ARID1B: variants seen among roughly 807,000 people sequenced by gnomAD.
ARID1B encodes AT-rich interaction domain 1B.
Under a neutral mutation model 212.3 loss-of-function variants are expected in ARID1B, and 30 were observed. The ratio of observed to expected loss-of-function variants is 0.14; its 90% CI spans 0.11 to 0.19. The LOEUF (loss-of-function observed/expected upper bound fraction) is 0.19, where lower values mean the gene tolerates loss of function less well. Among genes scored for constraint, ARID1B ranks in the 10% least tolerant of loss-of-function variants. ARID1B has a pLI of 1.00. For missense variants in ARID1B, 2,891 were observed against 3,204.0 expected (o/e 0.90, Z 2.36); for synonymous variants, 1,402 against 1,301.7 (o/e 1.08, Z -1.66).
chr6:157,098,478 C>G (rs1785813119), intron 5 of ARID1B, among the ~76,000 whole-genome samples: 1 of 152,174 alleles, frequency 6.6e-6, no homozygotes, highest in Non-Finnish European at 1.5e-5. Flanking sequence ...AAAGCTATTG[C>G]AAAGGGTGTG....
At chr6:156,793,145 T>C (rs896233826) in intron 1 of ARID1B, among the ~76,000 whole-genome samples, 18 of 152,132 alleles carry the variant, frequency 1.2e-4, no homozygotes, top group African/African-American at 4.1e-4. Context: ...GGTGGGGGCA[T>C]GAGGCATGGC....
At chr6:157,159,228 G>A (rs567311062) in intron 8 of ARID1B, among the ~76,000 whole-genome samples, 127 of 152,218 alleles carry the variant, frequency 8.3e-4, no homozygotes, top group Non-Finnish European at 1.5e-3. Context: ...GAAAGAGTCC[G>A]TAGTAGCAGA....
At chr6:156,779,619 C>T in intron 1 of ARID1B, 148 bp downstream of exon 1, 1 of 835,080 alleles carries the variant, frequency 1.2e-6, no homozygotes, top group Non-Finnish European at 1.5e-6. Context: ...CGGGCGGCCG[C>T]CTCCCGCCGC....
chr6:157,137,459 A>G (rs1789013235), intron 7 of ARID1B, among the ~76,000 whole-genome samples: 1 of 152,226 alleles, frequency 6.6e-6, no homozygotes, highest in East Asian at 1.9e-4. Context: ...AATTATTAAT[A>G]AGTGAGTTTG....
At chr6:156,992,247 TTG>T (rs1472494867) in intron 4 of ARID1B, among the ~76,000 whole-genome samples, 1 of 152,142 alleles carries the variant, frequency 6.6e-6, no homozygotes, top group Admixed American at 6.5e-5. Context: ...ATGAGTGTGC[TTG>T]TGTGTGTGTT....
chr6:157,056,606 T>G (rs762044935), intron 4 of ARID1B, among the ~76,000 whole-genome samples: 1 of 152,214 alleles, frequency 6.6e-6, no homozygotes, highest in Non-Finnish European at 1.5e-5. Flanking sequence ...CCAGTAGTTA[T>G]GTTTGGTTAT....
At chr6:157,153,113 G>A (rs1043332457) in intron 8 of ARID1B, among the ~76,000 whole-genome samples, 1 of 152,204 alleles carries the variant, frequency 6.6e-6, no homozygotes, top group African/African-American at 2.4e-5. Context: ...AAGTTTAACT[G>A]GTTAGAAACT....
In ARID1B at chr6:156,777,841, C is replaced by T. The variant is rs1485912207; in HGVS notation, c.161C>T (p.Pro54Leu). Residue 54 changes from proline (P) to leucine (L), a missense_variant, in exon 1 of 20, where the codon CCG becomes CTG. This residue lies in a region of ARID1B where 1,643 missense variants were observed against 1,544.0 expected (regional missense o/e 1.06). Coordinates refer to ENST00000636930, the MANE Select transcript of ARID1B (RefSeq NM_001374828.1). ...ARGAAAAAAA[P>L]GPMLGGGGDG... ...GGCGCGGCGGCGGCGGCGGCGGCAC[C>T]GGGACCCATGCTGGGGGGCGGCGGC... is the stretch of plus-strand genomic sequence containing the variant. 6.6e-6 allele frequency: 8 copies of T among 1,214,356 alleles called. No individual in the cohort carries two copies. Among genetic ancestry groups the T allele is most frequent in the Admixed American group, 4.5e-5 (1 of 22,180 alleles). The allele number at this position is 1,214,356 out of a possible 1,614,324, so 75.2% of individuals were successfully genotyped here. A position where few individuals can be genotyped will look rare whatever the true frequency, so the allele number is the denominator to read the frequency against.
At chr6:156,905,333 A>C (rs1171895603) in intron 3 of ARID1B, among the ~76,000 whole-genome samples, 1 of 151,726 alleles carries the variant, frequency 6.6e-6, no homozygotes, top group African/African-American at 2.4e-5. Flanking sequence ...TGCATTTCCG[A>C]AACCTGCAGT....
In ARID1B at chr6:157,203,582, G is replaced by A. The variant is rs192603908; in HGVS notation, c.5264-284G>A. ...TAGGGTGGCTGAAAGAAATAACCCG[G>A]CCATGAGAAAGGACCATCTGTGCTC... On this transcript the variant is annotated intron_variant, in intron 18 of 19. Transcript: ENST00000636930. This position sits in a 1 kb window ranked among gnomAD's most constrained non-coding sequence, Gnocchi z 4.4. 7.0e-5 allele frequency: 26 copies of A among 370,546 alleles called. No homozygotes were observed. Among genetic ancestry groups the A allele is most frequent in the Non-Finnish European group, 1.3e-4 (25 of 198,348 alleles). 23.0% of individuals were successfully genotyped at this position (370,546 alleles called of 1,614,324 possible). A position where few individuals can be genotyped will look rare whatever the true frequency, so the allele number is the denominator to read the frequency against.
intron 1 of ARID1B, among the ~76,000 whole-genome samples, chr6:156,820,608 G>A (rs1405828007): frequency 1.3e-5 from 2 of 152,166 alleles, no homozygotes; most frequent in Non-Finnish European, 2.9e-5. Context: ...GCAACACTGC[G>A]AGGTGAGTGT....
intron 4 of ARID1B, chr6:156,937,575 G>A (rs1223257716): frequency 6.6e-6 from 1 of 152,174 alleles, no homozygotes; most frequent in African/African-American, 2.4e-5. Flanking sequence ...TGTTGGATTG[G>A]ATGGTTGACA....
chr6:157,184,549 G>T, intron 13 of ARID1B, 114 bp downstream of exon 13: 4 of 1,214,362 alleles, frequency 3.3e-6, no homozygotes, highest in Non-Finnish European at 4.7e-6. Context: ...CTTTTGAGAG[G>T]TGGGGGGTTC....
chr6:157,042,842 G>A (rs1486152268), intron 4 of ARID1B, among the ~76,000 whole-genome samples: 1 of 151,946 alleles, frequency 6.6e-6, no homozygotes, highest in Non-Finnish European at 1.5e-5. Context: ...TGTATTTTTA[G>A]TAGAGATGGG....
At chr6:157,003,442 T>C (rs1779021231) in intron 4 of ARID1B, among the ~76,000 whole-genome samples, 1 of 152,138 alleles carries the variant, frequency 6.6e-6, no homozygotes, top group South Asian at 2.1e-4. Context: ...ATTGAGATTA[T>C]TGTGGTCTAG....
At chr6:157,180,023 T>A (rs1218552280) in intron 11 of ARID1B, among the ~76,000 whole-genome samples, 1 of 152,218 alleles carries the variant, frequency 6.6e-6, no homozygotes, top group East Asian at 1.9e-4. Context: ...TTCCAAGAAA[T>A]CTTTATTGAG....
intron 3 of ARID1B, among the ~76,000 whole-genome samples, chr6:156,922,309 G>C (rs544606909): frequency 6.6e-6 from 1 of 151,848 alleles, no homozygotes; most frequent in Non-Finnish European, 1.5e-5. Context: ...AGTAGCTGGG[G>C]TTACAGGTGC....
At chr6:157,051,698 C>T (rs573610474) in intron 4 of ARID1B, among the ~76,000 whole-genome samples, 26 of 152,078 alleles carry the variant, frequency 1.7e-4, no homozygotes, top group African/African-American at 6.0e-4. Flanking sequence ...TTTATAATAC[C>T]AGGAGAATGT....
chr6:156,778,874 AGGAGGAGGAGGCAGC>A lies in ARID1B; in HGVS notation c.1206_1220del (p.Ser403_Gly407del). On this transcript the variant is annotated inframe_deletion, in exon 1 of 20. Coordinates refer to ENST00000636930, the MANE Select transcript of ARID1B (RefSeq NM_001374828.1). ...GCGGCGGCGGCGGCGGCGGCGGCGGAGGAGGAGGAGGCAGCGGAGGAGGAGGAGGAGGAGGAGGAG... is the reference window on the plus strand; with the variant it reads ...GCGGCGGCGGCGGCGGCGGCGGCGGAGGAGGAGGAGGAGGAGGAGGAGGAG... 3.7e-6 allele frequency: 5 copies of A among 1,340,318 alleles called. No individual in the cohort carries two copies. Among genetic ancestry groups the A allele is most frequent in the South Asian group, 1.7e-5 (1 of 58,344 alleles). The allele number at this position is 1,340,318 out of a possible 1,614,324, so 83.0% of individuals were successfully genotyped here. A position where few individuals can be genotyped will look rare whatever the true frequency, so the allele number is the denominator to read the frequency against.
Sources: gnomAD v4.1 joint callset for allele counts (sites outside exome capture counted in the v4.1 genomes callset) on GRCh38, gnomAD v4.1.1 for gene constraint, gnomAD v4.1.1 regional missense constraint, Gnocchi (gnomAD v3.1) non-coding constraint, MANE v1.5 for transcripts, NCBI Gene and HGNC (gene_info 2026-07-23, HGNC 2026-07-21) for gene names.